The following DLG2 variants were observed in gnomAD, a reference collection of about 807,000 sequenced individuals.
The protein encoded by DLG2 is discs large MAGUK scaffold protein 2.
A neutral mutation model predicts 132.5 loss-of-function variants in DLG2; 45 were observed. The observed-to-expected ratio is 0.34, with a 90% CI of 0.27 to 0.44. The LOEUF is 0.44. DLG2 is among the 20% of genes least tolerant of loss of function. The pLI, the probability that DLG2 is intolerant of heterozygous loss-of-function variation, is 1.00. For synonymous variants in DLG2, 424 were observed against 419.6 expected (o/e 1.01, Z -0.13); for missense variants, 1,045 against 1,196.9 (o/e 0.87, Z 1.87).
intron 8 of DLG2, among the ~76,000 whole-genome samples, chr11:84,194,379 C>T (rs1241932467): frequency 6.6e-6 from 1 of 152,052 alleles, no homozygotes; most frequent in Non-Finnish European, 1.5e-5. Flanking sequence ...GTTTTGCTGG[C>T]CTCAGGAGTG....
At chr11:84,942,940 C>T (rs2049652532) in intron 6 of DLG2, among the ~76,000 whole-genome samples, 1 of 152,180 alleles carries the variant, frequency 6.6e-6, no homozygotes, top group Non-Finnish European at 1.5e-5. Context: ...ACTATATCCT[C>T]TTGCTGACTT....
At chr11:85,483,912 T>G (rs757545097) in intron 3 of DLG2, among the ~76,000 whole-genome samples, 46 of 146,388 alleles carry the variant, frequency 3.1e-4, no homozygotes, top group Middle Eastern at 3.5e-3. Flanking sequence ...AAAAAAAGAA[T>G]AATAATAGCT....
At chr11:84,680,208 A>G (rs1043332378) in intron 6 of DLG2, among the ~76,000 whole-genome samples, 12 of 152,126 alleles carry the variant, frequency 7.9e-5, no homozygotes, top group Admixed American at 5.9e-4. Flanking sequence ...TCTAGGCAGA[A>G]CACTCCAATC....
chr11:85,557,998 C>T (rs1262037122), intron 3 of DLG2, among the ~76,000 whole-genome samples: 1 of 151,748 alleles, frequency 6.6e-6, no homozygotes, highest in Admixed American at 6.6e-5. Context: ...CAGCAAAAGA[C>T]ACTACAACAG....
intron 9 of DLG2, among the ~76,000 whole-genome samples, chr11:84,121,715 C>A (rs1334718809): frequency 6.6e-6 from 1 of 151,488 alleles, no homozygotes; most frequent in Admixed American, 6.6e-5. Context: ...GTGCCCACCA[C>A]CACGCCTGGC....
chr11:85,240,296 T>A (rs190883839), intron 4 of DLG2, among the ~76,000 whole-genome samples: 1 of 151,872 alleles, frequency 6.6e-6, no homozygotes, highest in Admixed American at 6.6e-5. Flanking sequence ...ATGTTGACTT[T>A]ATATATGTTG....
chr11:85,483,491 T>A (rs1196710721), intron 3 of DLG2, among the ~76,000 whole-genome samples: 1 of 152,000 alleles, frequency 6.6e-6, no homozygotes, highest in East Asian at 1.9e-4. Context: ...GTATTCAACC[T>A]AAAAGAAAAG....
chr11:85,539,880 C>G (rs1048074178), intron 3 of DLG2, among the ~76,000 whole-genome samples: 6 of 152,276 alleles, frequency 3.9e-5, no homozygotes, highest in Non-Finnish European at 7.4e-5. Context: ...AGCCAGGAGG[C>G]CATTTCAGCT....
At chr11:83,635,677 T>C (rs908356015) in intron 18 of DLG2, among the ~76,000 whole-genome samples, 2 of 152,164 alleles carry the variant, frequency 1.3e-5, no homozygotes, top group Non-Finnish European at 2.9e-5. Context: ...CCCTTTTTAA[T>C]AGTGTAATTT....
At chr11:85,127,428 T>C (rs2075262230) in intron 5 of DLG2, among the ~76,000 whole-genome samples, 1 of 152,124 alleles carries the variant, frequency 6.6e-6, no homozygotes. Flanking sequence ...TCAGGTTCTT[T>C]AGGTATCCCT....
At chr11:85,607,832 C>G (rs1389812082) in intron 2 of DLG2, among the ~76,000 whole-genome samples, 1 of 152,184 alleles carries the variant, frequency 6.6e-6, no homozygotes, top group African/African-American at 2.4e-5. Context: ...GAGATCCCTC[C>G]CCTCCCTCAG....
At chr11:85,206,023 C>T (rs57885538) in intron 4 of DLG2, among the ~76,000 whole-genome samples, 6,468 of 152,082 alleles carry the variant, frequency 0.043, 184 homozygotes, top group East Asian at 0.094. Flanking sequence ...GAGGTGGGGA[C>T]GGGTGGGAGG....
chr11:83,816,653 C>T (rs1241505523), intron 17 of DLG2, among the ~76,000 whole-genome samples: 1 of 152,160 alleles, frequency 6.6e-6, no homozygotes, highest in South Asian at 2.1e-4. Flanking sequence ...AACCCATAAT[C>T]ACAGAAACCA....
chr11:84,991,281 G>A lies in DLG2; in HGVS notation c.357+120380C>T, dbSNP rs545253661. Among the ~76,000 whole-genome samples the A allele has an allele frequency of 4.6e-5, 7 of 152,172 alleles. No individual in the cohort carries two copies. The South Asian group carries it at 6.2e-4, about 14-fold the overall frequency. On this transcript the variant is annotated intron_variant, in intron 6 of 27. Transcript: ENST00000376104. ...TCCCAGCAATTTGGGGGACTGAGGC[G>A]GGAGGATCGCTTGAGCCCAGGAGTT...
intron 18 of DLG2, among the ~76,000 whole-genome samples, chr11:83,661,896 G>A (rs1250139709): frequency 6.6e-6 from 1 of 152,180 alleles, no homozygotes; most frequent in Admixed American, 6.5e-5. Context: ...TCATGTAAAT[G>A]ACAACATTAA....
At chr11:85,007,664 C>CAAAAAAAAAAAAAAAAAAAAAAA (rs57188165) in intron 6 of DLG2, among the ~76,000 whole-genome samples, 6 of 88,534 alleles carry the variant, frequency 6.8e-5, no homozygotes, top group Non-Finnish European at 8.8e-5. Context: ...GACTCCGTCT[C>CAAAAAAAAAAAAAAAAAAAAAAA]AAAAAAAAAA....
chr11:85,481,621 A>C (rs996254940), intron 3 of DLG2, among the ~76,000 whole-genome samples: 9 of 151,786 alleles, frequency 5.9e-5, no homozygotes, highest in African/African-American at 2.2e-4. Flanking sequence ...ACAGCCCCAA[A>C]CTCCAGGTCT....
chr11:84,458,140 C>T (rs767367262), intron 7 of DLG2, among the ~76,000 whole-genome samples: 3 of 150,736 alleles, frequency 2.0e-5, no homozygotes, highest in Admixed American at 6.6e-5. Context: ...AGAAATTGTA[C>T]ACCATCTAAT....
At chr11:85,393,884 C>T (rs989001619) in intron 3 of DLG2, among the ~76,000 whole-genome samples, 14 of 151,940 alleles carry the variant, frequency 9.2e-5, no homozygotes, top group African/African-American at 2.7e-4. Flanking sequence ...AAAAGTGATA[C>T]GATGGACATT....
Sources: allele counts gnomAD v4.1 joint callset (sites outside exome capture counted in the v4.1 genomes callset), GRCh38; gene constraint gnomAD v4.1.1; transcripts MANE v1.5; gene names NCBI Gene and HGNC (gene_info 2026-07-23, HGNC 2026-07-21).